CASP5: variants seen among roughly 807,000 people sequenced by gnomAD.
CASP5 encodes caspase 5.
CASP5 carries 42 observed loss-of-function variants against 45.2 expected under a neutral mutation model. The observed-to-expected ratio is 0.93, with a 90% CI of 0.73 to 1.20. The LOEUF is 1.20. CASP5 is among the 50% of genes most tolerant of loss of function. CASP5 has a pLI of 0.00. For synonymous variants in CASP5, 209 were observed against 186.2 expected, an observed-to-expected ratio of 1.12 and a Z score of -1.00; for missense variants, 512 against 532.2, an observed-to-expected ratio of 0.96 and a Z score of 0.37.
intron 8 of CASP5, among the ~76,000 whole-genome samples, chr11:104,996,609 C>T (rs960198926): frequency 6.6e-6 from 1 of 152,150 alleles, no homozygotes; most frequent in African/African-American, 2.4e-5. Flanking sequence ...TTTATCTATT[C>T]ATTCATGCAT....
At chr11:104,999,950 A>G (rs1226053674) in intron 6 of CASP5, among the ~76,000 whole-genome samples, 1 of 152,230 alleles carries the variant, frequency 6.6e-6, no homozygotes, top group African/African-American at 2.4e-5. Flanking sequence ...ATCATTTACA[A>G]ATCAAGCTAT....
chr11:104,999,399 C>A (rs1302793637), intron 6 of CASP5, among the ~76,000 whole-genome samples: 1 of 152,190 alleles, frequency 6.6e-6, no homozygotes, highest in Non-Finnish European at 1.5e-5. Context: ...CCTTTTAGGG[C>A]TACACAGTAT....
Position 105,000,501 on chromosome 11 carries a change from A to G in CASP5, c.718-6T>C, listed in dbSNP as rs776669254. 6.2e-7 allele frequency: 1 copy of G among 1,612,772 alleles called. No homozygotes were observed. The highest frequency in any genetic ancestry group is 1.3e-5 in the African/African-American group (1 of 74,988). On this transcript the variant is annotated splice_region_variant and splice_polypyrimidine_tract_variant and intron_variant, in intron 5 of 9. Transcript: ENST00000260315. ...CTCAGCACTGACTCCATATCCTATA[A>G]AAGAGCAATGTCTAACTTCAGTCAG...
rs1490876271 is a variant in CASP5 at position 105,009,850 on chromosome 11, T to C, written c.8-870A>G. Among the ~76,000 whole-genome samples the C allele has an allele frequency of 3.8e-5, 5 of 132,566 alleles. 1 individual carries two copies. Among genetic ancestry groups the C allele is most frequent in the Non-Finnish European group, 8.0e-5 (5 of 62,414 alleles). 87.0% of individuals were successfully genotyped at this position (132,566 alleles called of 152,430 possible). The stretch of plus-strand genomic sequence containing the variant: ...ACACATATATATATACACATATATA[T>C]ACACATATATATACATATATATACA... On this transcript the variant is annotated intron_variant, in intron 1 of 9. Coordinates refer to ENST00000260315, the MANE Select transcript of CASP5 (RefSeq NM_004347.5).
At chr11:104,997,812 C>G (rs1861533745) in intron 7 of CASP5, among the ~76,000 whole-genome samples, 1 of 152,006 alleles carries the variant, frequency 6.6e-6, no homozygotes. Context: ...TTTCACTTTA[C>G]AAAGGAAAGA....
chr11:105,016,414 G>C (rs1862593845), intron 1 of CASP5, among the ~76,000 whole-genome samples: 1 of 152,214 alleles, frequency 6.6e-6, no homozygotes, highest in South Asian at 2.1e-4. Flanking sequence ...ATCTCACTAA[G>C]GAGTGCCAGA....
chr11:104,997,281 T>C, intron 8 of CASP5, 102 bp downstream of exon 8: 1 of 831,220 alleles, frequency 1.2e-6, no homozygotes. Flanking sequence ...ATACTACTTT[T>C]GCTTGCCTGA....
intron 1 of CASP5, among the ~76,000 whole-genome samples, chr11:105,013,957 A>T (rs1862469965): frequency 6.6e-6 from 1 of 152,108 alleles, no homozygotes; most frequent in South Asian, 2.1e-4. Context: ...TCAGAATCTG[A>T]CCACTACTCT....
At chr11:105,003,434 T>C (rs1861848292) in intron 3 of CASP5, 51 bp from the exon 4 acceptor site, 1 of 937,054 alleles carries the variant, frequency 1.1e-6, no homozygotes, top group Admixed American at 2.2e-5. Context: ...TGTGACCCAA[T>C]TTATCACCTA....
intron 9 of CASP5, 94 bp downstream of exon 9, chr11:104,995,644 TGA>T: frequency 9.5e-6 from 7 of 733,740 alleles, no homozygotes; most frequent in Non-Finnish European, 1.7e-5. Flanking sequence ...AACACTAACT[TGA>T]CCATATAAGC....
intron 1 of CASP5, among the ~76,000 whole-genome samples, chr11:105,020,738 A>G (rs182123313): frequency 1.4e-4 from 21 of 151,804 alleles, no homozygotes; most frequent in African/African-American, 2.2e-4. Context: ...ACTGCCCAAG[A>G]TAATTTACAG....
intron 5 of CASP5, among the ~76,000 whole-genome samples, chr11:105,001,230 C>A (rs1050127335): frequency 3.9e-5 from 6 of 152,126 alleles, no homozygotes; most frequent in Non-Finnish European, 8.8e-5. Flanking sequence ...TGAAATTGTC[C>A]GGTTTCGTTT....
intron 1 of CASP5, among the ~76,000 whole-genome samples, chr11:105,013,119 C>T (rs1428839651): frequency 6.6e-6 from 1 of 151,962 alleles, no homozygotes; most frequent in Non-Finnish European, 1.5e-5. Flanking sequence ...TTTGTGACAA[C>T]ATTGATTAAC....
chr11:104,995,643 T>A (rs1198104313), intron 9 of CASP5, 97 bp downstream of exon 9: 7 of 728,524 alleles, frequency 9.6e-6, no homozygotes, highest in Non-Finnish European at 1.7e-5. Flanking sequence ...GAACACTAAC[T>A]TGACCATATA....
At chr11:105,009,017 C>T in intron 1 of CASP5, 37 bp from the exon 2 acceptor site, 1 of 1,601,778 alleles carries the variant, frequency 6.2e-7, no homozygotes, top group Non-Finnish European at 8.5e-7. Flanking sequence ...ACTCTGGGCA[C>T]AGCTTAAAGA....
At chr11:105,015,775 C>T (rs1170672418) in intron 1 of CASP5, among the ~76,000 whole-genome samples, 1 of 151,036 alleles carries the variant, frequency 6.6e-6, no homozygotes, top group Middle Eastern at 3.4e-3. Context: ...AATTTAAAAG[C>T]AAGCAATTCC....
Position 104,997,594 on chromosome 11 carries a change from T to C in CASP5, c.1097-102A>G, listed in dbSNP as rs1861524853. 9 of 637,098 alleles carry C rather than the reference T, an allele frequency of 1.4e-5. No homozygotes were observed. The South Asian group carries it at 1.6e-4, about 11-fold the overall frequency. 39.5% of individuals were successfully genotyped at this position (637,098 alleles called of 1,614,324 possible). Reference sequence around the variant, plus strand: ...CTTGAGAATTTACTTGATAGATTTATGGAAATCCCTTATAACCAAACATTT... The same window carrying C: ...CTTGAGAATTTACTTGATAGATTTACGGAAATCCCTTATAACCAAACATTT... On this transcript the variant is annotated intron_variant, in intron 7 of 9. Coordinates refer to ENST00000260315, the MANE Select transcript of CASP5 (RefSeq NM_004347.5).
chr11:105,016,617 G>A (rs531352550), intron 1 of CASP5, among the ~76,000 whole-genome samples: 43 of 151,992 alleles, frequency 2.8e-4, no homozygotes, highest in African/African-American at 1.0e-3. Context: ...AAAAAATGGC[G>A]CATCAGATTA....
intron 9 of CASP5, among the ~76,000 whole-genome samples, chr11:104,994,823 C>G (rs960726615): frequency 6.6e-6 from 1 of 152,240 alleles, no homozygotes; most frequent in East Asian, 1.9e-4. Context: ...CTCTCCAACT[C>G]TGTGCATTCT....
Sources: gnomAD v4.1 joint callset for allele counts (sites outside exome capture counted in the v4.1 genomes callset) on GRCh38, gnomAD v4.1.1 for gene constraint, MANE v1.5 for transcripts, NCBI Gene and HGNC (gene_info 2026-07-23, HGNC 2026-07-21) for gene names.